HMGCLL1: variants seen among roughly 807,000 people sequenced by gnomAD.
The protein encoded by HMGCLL1 is 3-hydroxymethyl-3-methylglutaryl-CoA lyase, cytoplasmic.
HMGCLL1 carries 36 observed loss-of-function variants against 39.1 expected under a neutral mutation model. The observed-to-expected ratio is 0.92, with a 90% CI of 0.71 to 1.22. The LOEUF is 1.22. Ranked by LOEUF, HMGCLL1 falls within the 50% of genes most tolerant of loss-of-function variation. The pLI, the probability that HMGCLL1 is intolerant of heterozygous loss-of-function variation, is 0.00. For missense variants in HMGCLL1, 451 were observed against 416.5 expected (o/e 1.08, Z -0.72); for synonymous variants, 149 against 144.0 (o/e 1.03, Z -0.25).
In HMGCLL1 at chr6:55,442,611, G is replaced by A. The variant is rs1167367679; in HGVS notation, c.796-3052C>T. ...GCCTTAGAATTCTTTGGGACCTAAG[G>A]AAAGTTTACAAAGGATAGACTGTTT... On this transcript the variant is annotated intron_variant, in intron 7 of 8. Transcript: ENST00000274901. 2.6e-5 allele frequency among the ~76,000 whole-genome samples: 4 copies of A among 152,088 alleles called. No individual in the cohort carries two copies. In the South Asian group the frequency reaches 6.2e-4, roughly 24 times the overall value.
the HMGCLL1 span, among the ~76,000 whole-genome samples, chr6:55,618,888 T>C: frequency 1.3e-5 from 2 of 152,094 alleles, no homozygotes; most frequent in African/African-American, 2.4e-5. Flanking sequence ...GTGAACTTAG[T>C]TATCAAGTGT....
At chr6:55,480,538 C>T (rs1765687106) in intron 7 of HMGCLL1, among the ~76,000 whole-genome samples, 1 of 151,642 alleles carries the variant, frequency 6.6e-6, no homozygotes, top group Non-Finnish European at 1.5e-5. Flanking sequence ...AGTACAACCA[C>T]TACGGAGAGT....
the HMGCLL1 span, among the ~76,000 whole-genome samples, chr6:55,604,564 G>A: frequency 1.3e-5 from 2 of 152,154 alleles, no homozygotes; most frequent in East Asian, 3.9e-4. Flanking sequence ...TTATACTAGA[G>A]GGACATATTA....
the HMGCLL1 span, among the ~76,000 whole-genome samples, chr6:55,675,877 A>G: frequency 6.6e-6 from 1 of 152,090 alleles, no homozygotes; most frequent in South Asian, 2.1e-4. Context: ...GCTAATTCTT[A>G]TTATAACACA....
the HMGCLL1 span, among the ~76,000 whole-genome samples, chr6:55,633,908 T>C: frequency 6.6e-6 from 1 of 152,116 alleles, no homozygotes; most frequent in South Asian, 2.1e-4. Flanking sequence ...TCCTCAAGTA[T>C]CCGAAACATT....
intron 5 of HMGCLL1, among the ~76,000 whole-genome samples, chr6:55,511,226 T>C (rs900918837): frequency 2.0e-5 from 3 of 152,112 alleles, no homozygotes; most frequent in African/African-American, 4.8e-5. Context: ...GAACTGCACA[T>C]TAAAAAATAA....
chr6:55,589,967 G>C, the HMGCLL1 span, among the ~76,000 whole-genome samples: 1 of 151,996 alleles, frequency 6.6e-6, no homozygotes, highest in Non-Finnish European at 1.5e-5. Flanking sequence ...CGTGAAAATG[G>C]CCATACTGCC....
At chr6:55,514,275 T>A in intron 4 of HMGCLL1, 79 bp from the exon 5 acceptor site, 1 of 1,047,718 alleles carries the variant, frequency 9.5e-7, no homozygotes, top group Non-Finnish European at 1.4e-6. Flanking sequence ...GATTAACTAC[T>A]CTATGAAGGC....
chr6:55,541,158 T>A (rs1769412261), intron 3 of HMGCLL1, among the ~76,000 whole-genome samples: 1 of 152,148 alleles, frequency 6.6e-6, no homozygotes, highest in African/African-American at 2.4e-5. Flanking sequence ...TCAGAAGTAA[T>A]GACTGCTGCC....
At position 55,539,859 on chromosome 6, in the gene HMGCLL1, G is replaced by GAAGAAAGAAAGAAAGAAAGA. The variant is rs376526008; in HGVS notation, c.297+1850_297+1869dup. Among the ~76,000 whole-genome samples the GAAGAAAGAAAGAAAGAAAGA allele has an allele frequency of 1.9e-4, 12 of 62,838 alleles. 1 individual carries two copies. Among genetic ancestry groups the GAAGAAAGAAAGAAAGAAAGA allele is most frequent in the African/African-American group, 3.1e-4 (5 of 16,352 alleles). 41.2% of individuals were successfully genotyped at this position (62,838 alleles called of 152,430 possible). ...TGTACCCCTAAAGTGAAAGAAAGAGGAAGAAAGAAAGAAAGAAAGAAAGAA... is the reference window on the plus strand; with the variant it reads ...TGTACCCCTAAAGTGAAAGAAAGAGGAAGAAAGAAAGAAAGAAAGAAAGAAAGAAAGAAAGAAAGAAAGAA... On this transcript the variant is annotated intron_variant, in intron 3 of 8. Coordinates refer to ENST00000274901, the MANE Select transcript of HMGCLL1 (RefSeq NM_001042406.2).
At chr6:55,661,928 A>G in the HMGCLL1 span, among the ~76,000 whole-genome samples, 1 of 151,064 alleles carries the variant, frequency 6.6e-6, no homozygotes, top group Non-Finnish European at 1.5e-5. Context: ...GAGCTCTTTC[A>G]CCTCCCTGAT....
chr6:55,497,646 A>G (rs1180591716), intron 6 of HMGCLL1, among the ~76,000 whole-genome samples: 1 of 152,188 alleles, frequency 6.6e-6, no homozygotes, highest in Non-Finnish European at 1.5e-5. Context: ...TTCTAAGAGC[A>G]TGTAGTAAAG....
chr6:55,577,979 T>G (rs189279486), intron 1 of HMGCLL1, among the ~76,000 whole-genome samples: 14 of 152,302 alleles, frequency 9.2e-5, no homozygotes, highest in Admixed American at 9.2e-4. Context: ...GATTGCAATT[T>G]CACATATGAT....
chr6:55,550,300 G>T (rs1770257783), intron 1 of HMGCLL1, among the ~76,000 whole-genome samples: 1 of 151,780 alleles, frequency 6.6e-6, no homozygotes, highest in Non-Finnish European at 1.5e-5. Flanking sequence ...CTAAAGTTTT[G>T]GCAGCTGATG....
At chr6:55,568,088 A>G (rs1771299879) in intron 1 of HMGCLL1, among the ~76,000 whole-genome samples, 1 of 152,170 alleles carries the variant, frequency 6.6e-6, no homozygotes, top group South Asian at 2.1e-4. Flanking sequence ...AAATTATTTT[A>G]TGGTCTGGTT....
At chr6:55,509,914 A>T (rs553995940) in intron 5 of HMGCLL1, among the ~76,000 whole-genome samples, 1 of 152,062 alleles carries the variant, frequency 6.6e-6, no homozygotes, top group African/African-American at 2.4e-5. Context: ...GTTCTCGGAA[A>T]ATCTGACTCC....
intron 1 of HMGCLL1, 143 bp downstream of exon 1, chr6:55,578,805 C>G (rs1310196569): frequency 1.5e-6 from 1 of 658,586 alleles, no homozygotes; most frequent in Non-Finnish European, 2.7e-6. Context: ...GGGGTGCGGC[C>G]TAACACGACA....
intron 1 of HMGCLL1, among the ~76,000 whole-genome samples, chr6:55,562,575 C>G (rs111698229): frequency 1.2e-3 from 178 of 152,244 alleles, no homozygotes; most frequent in African/African-American, 4.2e-3. Context: ...AGCTGACTTA[C>G]ATGGATTTTG....
chr6:55,481,217 A>T (rs896903891), intron 7 of HMGCLL1, among the ~76,000 whole-genome samples: 1 of 151,996 alleles, frequency 6.6e-6, no homozygotes, highest in African/African-American at 2.4e-5. Context: ...CTGTCTCTAA[A>T]AAAATACAAA....
Sources: allele counts gnomAD v4.1 joint callset (sites outside exome capture counted in the v4.1 genomes callset), GRCh38; gene constraint gnomAD v4.1.1; transcripts MANE v1.5; gene names NCBI Gene and HGNC (gene_info 2026-07-23, HGNC 2026-07-21).